AZIN2: variants seen among roughly 807,000 people sequenced by gnomAD.
The protein encoded by AZIN2 is antizyme inhibitor 2.
AZIN2 carries 28 observed loss-of-function variants against 47.8 expected under a neutral mutation model. That is an observed-to-expected ratio of 0.59 (90% confidence interval 0.43 to 0.80). AZIN2 has a LOEUF of 0.80. Ranked by LOEUF, AZIN2 falls within the 30% of genes least tolerant of loss-of-function variation. The pLI is 0.00. For missense variants in AZIN2, 535 were observed against 582.5 expected, an observed-to-expected ratio of 0.92 and a Z score of 0.84; for synonymous variants, 221 against 239.4, an observed-to-expected ratio of 0.92 and a Z score of 0.71.
rs1250273688 is a variant in AZIN2, at chr1:33,082,355, G to A, written c.105+1G>A. The A allele has an allele frequency of 1.9e-6, 3 of 1,612,582 alleles. No homozygotes were observed. The highest frequency in any genetic ancestry group is 2.5e-6 in the Non-Finnish European group (3 of 1,179,254). On this transcript the variant is annotated splice_donor_variant, in intron 4 of 11. Transcript: ENST00000294517. LOFTEE classifies it high-confidence loss of function. ...TCTGGGGGCCTCACAGGCCACCACG[G>A]TGAGGGGCTGGGAATGGGGGTGGGT...
At chr1:33,164,169 G>C in the AZIN2 span, 1 of 152,224 alleles carries the variant, frequency 6.6e-6, no homozygotes, top group South Asian at 2.1e-4. Flanking sequence ...TGCCCCCGAG[G>C]GTCCTGCCCA....
At chr1:33,117,842 G>A (rs1644622855) in intron 10 of AZIN2, 60 bp from the exon 11 acceptor site, 2 of 1,579,014 alleles carry the variant, frequency 1.3e-6, no homozygotes. Context: ...TTTGAGGGAG[G>A]GAGTGGCAAG....
chr1:33,115,210 TAA>T (rs1422487545), intron 10 of AZIN2, among the ~76,000 whole-genome samples: 1 of 152,110 alleles, frequency 6.6e-6, no homozygotes, highest in Non-Finnish European at 1.5e-5. Flanking sequence ...GCCTCCCAGA[TAA>T]GGTATGAAGT....
the AZIN2 span, among the ~76,000 whole-genome samples, chr1:33,130,605 G>A: frequency 6.6e-6 from 1 of 152,210 alleles, no homozygotes; most frequent in Admixed American, 6.6e-5. Context: ...ACACCTGATT[G>A]CAGCCATGTG....
At chr1:33,154,127 A>G in the AZIN2 span, among the ~76,000 whole-genome samples, 8 of 151,830 alleles carry the variant, frequency 5.3e-5, no homozygotes, top group African/African-American at 1.9e-4. Context: ...ATGAGGGAGA[A>G]TACAAAACAT....
At chr1:33,136,063 G>GC in the AZIN2 span, among the ~76,000 whole-genome samples, 5 of 151,442 alleles carry the variant, frequency 3.3e-5, no homozygotes, top group Non-Finnish European at 7.4e-5. Flanking sequence ...CTTCTTGACT[G>GC]CCCCCATCCC....
At chr1:33,115,542 A>G (rs1644499748) in intron 10 of AZIN2, among the ~76,000 whole-genome samples, 1 of 152,106 alleles carries the variant, frequency 6.6e-6, no homozygotes, top group Non-Finnish European at 1.5e-5. Context: ...TGTATCTACT[A>G]AAACTACAAA....
the AZIN2 span, chr1:33,145,846 C>A: frequency 2.1e-6 from 1 of 470,990 alleles, no homozygotes; most frequent in Admixed American, 2.3e-5. Flanking sequence ...GCTCCACCCA[C>A]CCTAACTTCC....
In AZIN2 at chr1:33,119,830, C is replaced by A. The variant is rs1052290012; in HGVS notation, c.1245-214C>A. 18 of 603,056 alleles carry A rather than the reference C, an allele frequency of 3.0e-5. No individual in the cohort carries two copies. In the African/African-American group the frequency reaches 3.3e-4, roughly 11 times the overall value. 37.4% of individuals were successfully genotyped at this position (603,056 alleles called of 1,614,324 possible). A position where few individuals can be genotyped will look rare whatever the true frequency, so the allele number is the denominator to read the frequency against. The stretch of plus-strand genomic sequence containing the variant: ...CATGATGTCTGGCATGTAGTAAATG[C>A]TCGATACATGTGGATTTCTTTCCCT... On this transcript the variant is annotated intron_variant, in intron 11 of 11. Coordinates refer to ENST00000294517, the MANE Select transcript of AZIN2 (RefSeq NM_052998.4).
the AZIN2 span, among the ~76,000 whole-genome samples, chr1:33,148,734 A>C: frequency 6.6e-6 from 1 of 152,254 alleles, no homozygotes. Flanking sequence ...AATTATAAAA[A>C]GGTTATATTA....
chr1:33,083,855 A>G, intron 4 of AZIN2, 99 bp from the exon 5 acceptor site: 4 of 1,428,912 alleles, frequency 2.8e-6, no homozygotes, highest in Non-Finnish European at 3.9e-6. Context: ...CTCTGTGGCC[A>G]GTACTGAACC....
chr1:33,096,298 A>G (rs1393804280), intron 8 of AZIN2, among the ~76,000 whole-genome samples: 1 of 152,220 alleles, frequency 6.6e-6, no homozygotes, highest in Non-Finnish European at 1.5e-5. Context: ...TTGCTGTCTC[A>G]GGGTGGCAGA....
rs763767621 is a variant in AZIN2, at chr1:33,113,128, G to A, written c.1030-4774G>A. On this transcript the variant is annotated intron_variant, in intron 10 of 11. Transcript: ENST00000294517. The surrounding 1 kb of genome is among the most constrained non-coding windows in gnomAD (Gnocchi z 4.1). ...CAAATACCTGGGACTACAGGCGCCC[G>A]CCACCATGCCTGGAGAGATGGGGTA... Among the ~76,000 whole-genome samples the A allele has an allele frequency of 3.9e-5, 6 of 152,076 alleles. No individual in the cohort carries two copies. Among genetic ancestry groups the A allele is most frequent in the Non-Finnish European group, 7.4e-5 (5 of 68,006 alleles).
the AZIN2 span, among the ~76,000 whole-genome samples, chr1:33,138,893 G>A: frequency 6.6e-6 from 1 of 152,226 alleles, no homozygotes. Context: ...GCAGGGGAAA[G>A]GGTTGGGCTT....
At chr1:33,100,439 T>C (rs926753712) in intron 10 of AZIN2, among the ~76,000 whole-genome samples, 1 of 152,210 alleles carries the variant, frequency 6.6e-6, no homozygotes, top group Non-Finnish European at 1.5e-5. Flanking sequence ...TTGGTTTTTA[T>C]TTTTATAAAT....
At chr1:33,124,097 C>A (rs964713171), downstream of AZIN2, among the ~76,000 whole-genome samples, 1 of 151,950 alleles carries the variant, frequency 6.6e-6, no homozygotes, top group African/African-American at 2.4e-5. This position sits in a 1 kb window ranked among gnomAD's most constrained non-coding sequence, Gnocchi z 4.6. Context: ...ACCTGGGAGG[C>A]GGAGGTTGCA....
intron 10 of AZIN2, among the ~76,000 whole-genome samples, chr1:33,108,182 C>T (rs578064587): frequency 3.9e-5 from 6 of 152,204 alleles, no homozygotes; most frequent in East Asian, 1.9e-4. Context: ...CATGCATTTA[C>T]GGTCAATTGA....
At chr1:33,090,383 A>C (rs1324810481) in intron 5 of AZIN2, among the ~76,000 whole-genome samples, 3 of 152,180 alleles carry the variant, frequency 2.0e-5, no homozygotes, top group East Asian at 3.8e-4. Context: ...TTAATGCAGC[A>C]ATCAGGTGCC....
At chr1:33,139,092 A>G in the AZIN2 span, among the ~76,000 whole-genome samples, 1 of 152,190 alleles carries the variant, frequency 6.6e-6, no homozygotes, top group Non-Finnish European at 1.5e-5. Context: ...GTTTATTTTC[A>G]TTTTTTAAAA....
Sources: gnomAD v4.1 joint callset for allele counts (sites outside exome capture counted in the v4.1 genomes callset) on GRCh38, gnomAD v4.1.1 for gene constraint, Gnocchi (gnomAD v3.1) non-coding constraint, MANE v1.5 for transcripts, NCBI Gene and HGNC (gene_info 2026-07-23, HGNC 2026-07-21) for gene names.